The following RASA1 variants were observed in gnomAD, a reference collection of about 807,000 sequenced individuals.
RASA1 encodes the protein ras GTPase-activating protein 1.
A neutral mutation model predicts 132.2 loss-of-function variants in RASA1; 25 were observed. The observed-to-expected ratio is 0.19, with a 90% confidence interval of 0.14 to 0.26. The LOEUF is 0.26. Ranked by LOEUF, RASA1 falls within the 10% of genes least tolerant of loss-of-function variation. The pLI, the probability that RASA1 is intolerant of heterozygous loss-of-function variation, is 1.00. For synonymous variants in RASA1, 477 were observed against 449.9 expected, an observed-to-expected ratio of 1.06 and a Z score of -0.76; for missense variants, 964 against 1,299.2, an observed-to-expected ratio of 0.74 and a Z score of 3.97.
chr5:87,335,973 A>G (rs935169632), intron 4 of RASA1, among the ~76,000 whole-genome samples: 3 of 152,208 alleles, frequency 2.0e-5, no homozygotes, highest in Non-Finnish European at 4.4e-5. Flanking sequence ...TTTTTGGTGT[A>G]ATTTCATAGA....
intron 1 of RASA1, among the ~76,000 whole-genome samples, chr5:87,284,002 T>C (rs1360671316): frequency 6.6e-6 from 1 of 152,156 alleles, no homozygotes; most frequent in African/African-American, 2.4e-5. Flanking sequence ...TTTAGAGATA[T>C]TTGTATCAAC....
intron 1 of RASA1, among the ~76,000 whole-genome samples, chr5:87,297,764 G>A (rs1394006917): frequency 1.3e-5 from 2 of 152,204 alleles, no homozygotes. Context: ...TAAGGGCATA[G>A]TAGAGCTCCT....
intron 11 of RASA1, among the ~76,000 whole-genome samples, chr5:87,364,346 T>G (rs777227391): frequency 2.0e-5 from 3 of 152,172 alleles, no homozygotes; most frequent in African/African-American, 7.2e-5. Flanking sequence ...GTGTTACTTG[T>G]GATTTTGACA....
At chr5:87,315,936 T>C (rs1297969515) in intron 1 of RASA1, among the ~76,000 whole-genome samples, 1 of 152,200 alleles carries the variant, frequency 6.6e-6, no homozygotes, top group Non-Finnish European at 1.5e-5. Flanking sequence ...GGAATTGCAA[T>C]AAAAATTTTT....
In RASA1 at chr5:87,363,216, T is replaced by C. The variant is rs1580356107; in HGVS notation, c.1454-132T>C. The stretch of plus-strand genomic sequence containing the variant: ...TTGTTATAGGCATTTTCTCATTATG[T>C]AAGAATTGGCATATTACATAAGCTT... On this transcript the variant is annotated intron_variant, in intron 10 of 24. Transcript: ENST00000274376. 2.3e-5 allele frequency: 19 copies of C among 831,126 alleles called. No individual in the cohort carries two copies. The South Asian group carries it at 3.2e-4, about 14-fold the overall frequency. The allele number at this position is 831,126 out of a possible 1,614,324, so 51.5% of individuals were successfully genotyped here. A position where few individuals can be genotyped will look rare whatever the true frequency, so the allele number is the denominator to read the frequency against.
intron 7 of RASA1, among the ~76,000 whole-genome samples, chr5:87,348,453 T>C (rs757331861): frequency 6.6e-6 from 1 of 152,030 alleles, no homozygotes; most frequent in Non-Finnish European, 1.5e-5. Context: ...GAAATACTTC[T>C]CTAAAATTAA....
chr5:87,335,570 C>T (rs189910366), intron 4 of RASA1, among the ~76,000 whole-genome samples: 28 of 151,562 alleles, frequency 1.8e-4, no homozygotes, highest in African/African-American at 6.3e-4. Context: ...GAACTATGGG[C>T]GTCTGCCACC....
In RASA1 at chr5:87,272,499, C is replaced by T. The variant is rs78569979; in HGVS notation, c.539+3509C>T. Among the ~76,000 whole-genome samples, 751 of 150,508 alleles carry T rather than the reference C, an allele frequency of 5.0e-3. 24 individuals carry two copies. In the East Asian group the frequency reaches 0.095, roughly 19 times the overall value. ...TCTTGGAAAGGTCAGTTTCCCCATC[C>T]GTAAAATGGGGATAGGAATGGTACC... On this transcript the variant is annotated intron_variant, in intron 1 of 24. Transcript: ENST00000274376.
intron 10 of RASA1, among the ~76,000 whole-genome samples, chr5:87,363,013 G>T (rs1398827196): frequency 6.6e-6 from 1 of 151,502 alleles, no homozygotes; most frequent in Non-Finnish European, 1.5e-5. Flanking sequence ...AATTGTGGGT[G>T]GGGGTGTGCT....
chr5:87,326,845 C>T (rs558930846), intron 1 of RASA1, among the ~76,000 whole-genome samples: 5 of 152,230 alleles, frequency 3.3e-5, no homozygotes, highest in African/African-American at 1.2e-4. Flanking sequence ...GAGAAAATTT[C>T]CTCCTAAAAT....
At chr5:87,388,107 G>A (rs1388550611) in intron 23 of RASA1, among the ~76,000 whole-genome samples, 1 of 152,106 alleles carries the variant, frequency 6.6e-6, no homozygotes, top group Non-Finnish European at 1.5e-5. Context: ...AGCATCCCCT[G>A]TGTATCTGTG....
chr5:87,272,935 A>T (rs936439279), intron 1 of RASA1, among the ~76,000 whole-genome samples: 1 of 152,230 alleles, frequency 6.6e-6, no homozygotes, highest in Non-Finnish European at 1.5e-5. Context: ...TTGTAAAAGT[A>T]TTGAAGAAAT....
intron 1 of RASA1, among the ~76,000 whole-genome samples, chr5:87,314,097 C>T (rs775375317): frequency 8.5e-4 from 130 of 152,244 alleles, no homozygotes; most frequent in African/African-American, 3.0e-3. Context: ...CGCTTGAACC[C>T]GGGACGTGGA....
At chr5:87,299,081 G>A (rs1219681075) in intron 1 of RASA1, among the ~76,000 whole-genome samples, 4 of 152,088 alleles carry the variant, frequency 2.6e-5, no homozygotes, top group African/African-American at 7.2e-5. Context: ...CAAGGTCATC[G>A]CCAAGGTCTG....
At chr5:87,355,057 C>T (rs1385142653) in intron 9 of RASA1, among the ~76,000 whole-genome samples, 3 of 152,166 alleles carry the variant, frequency 2.0e-5, no homozygotes, top group African/African-American at 7.2e-5. Flanking sequence ...ATCTCCATAA[C>T]ATAAAAGTGT....
intron 1 of RASA1, chr5:87,318,541 T>C (rs1378738913): frequency 6.6e-6 from 1 of 152,380 alleles, no homozygotes; most frequent in Admixed American, 6.5e-5. Flanking sequence ...CATCTTCACA[T>C]AGTGACAGGA....
In RASA1 at chr5:87,338,924, C is replaced by T. The variant is rs75917949; in HGVS notation, c.1017+833C>T. Among the ~76,000 whole-genome samples the T allele has an allele frequency of 9.8e-3, 1,496 of 152,132 alleles. 9 individuals are homozygous for T. The highest frequency in any genetic ancestry group is 0.024 in the Middle Eastern group (7 of 294). ...ATCATATAATACGTTATCATGGTAT[C>T]AATTACCAGGTGCATTTTTAATAAC... On this transcript the variant is annotated intron_variant, in intron 5 of 24. Transcript: ENST00000274376.
At position 87,323,572 on chromosome 5, in the gene RASA1, T is replaced by C. The variant is rs147762192; in HGVS notation, c.540-7776T>C. Among the ~76,000 whole-genome samples the C allele has an allele frequency of 2.6e-3, 403 of 152,320 alleles. 5 individuals are homozygous for C. Among genetic ancestry groups the C allele is most frequent in the East Asian group, 8.1e-3 (42 of 5,188 alleles). On this transcript the variant is annotated intron_variant, in intron 1 of 24. Coordinates refer to ENST00000274376, the MANE Select transcript of RASA1 (RefSeq NM_002890.3). ...AAGAAATTCCATAAGTAAGGTAGTA[T>C]GTCTGTATTCAGCAAGTAAGGTAAC...
At position 87,376,946 on chromosome 5, in the gene RASA1, A is replaced by C. The variant is rs1761368762; in HGVS notation, c.2250A>C (p.Thr750=). The C allele has an allele frequency of 6.2e-7, 1 of 1,611,056 alleles. No individual in the cohort carries two copies. Among genetic ancestry groups the C allele is most frequent in the Non-Finnish European group, 8.5e-7 (1 of 1,177,344 alleles). The change falls in exon 17 of 25, where the codon ACA becomes ACC. Residue 750 remains threonine, a synonymous_variant. Transcript: ENST00000274376. ...ALSHVCGQDR[T]LLASILLRIF... is the part of the protein sequence containing the mutation. ...CACATGTATGTGGACAAGACCGAACACTACTGGCCAGCATCCTACTGAGGA... is the reference window on the plus strand; with the variant it reads ...CACATGTATGTGGACAAGACCGAACCCTACTGGCCAGCATCCTACTGAGGA...
Sources: gnomAD v4.1 joint callset for allele counts (sites outside exome capture counted in the v4.1 genomes callset) on GRCh38, gnomAD v4.1.1 for gene constraint, MANE v1.5 for transcripts, NCBI Gene and HGNC (gene_info 2026-07-23, HGNC 2026-07-21) for gene names.